The following PXDNL variants were observed in gnomAD, a reference collection of about 807,000 sequenced individuals.
PXDNL encodes peroxidasin like.
PXDNL carries 145 observed loss-of-function variants against 150.8 expected under a neutral mutation model. That is an observed-to-expected ratio of 0.96 (90% CI 0.84 to 1.10). PXDNL has a LOEUF of 1.10. PXDNL is among the 50% of genes least tolerant of loss of function. PXDNL has a pLI of 0.00. For synonymous variants in PXDNL, 757 were observed against 725.7 expected (o/e 1.04, Z -0.69); for missense variants, 2,087 against 1,873.9 (o/e 1.11, Z -2.10).
intron 5 of PXDNL, among the ~76,000 whole-genome samples, chr8:51,498,624 A>G (rs1811111164): frequency 6.6e-6 from 1 of 152,074 alleles, no homozygotes; most frequent in South Asian, 2.1e-4. Context: ...ATCGTGATGT[A>G]GAGTACAATG....
intron 2 of PXDNL, among the ~76,000 whole-genome samples, chr8:51,641,207 A>T (rs1033785382): frequency 7.2e-6 from 1 of 138,300 alleles, no homozygotes; most frequent in African/African-American, 2.9e-5. Context: ...AATTAATTCA[A>T]GATGGATTAA....
In PXDNL at chr8:51,408,984, T is replaced by G; in HGVS notation, c.2640A>C (p.Ser880=). 1.2e-6 allele frequency: 2 copies of G among 1,611,920 alleles called. No homozygotes were observed. Among genetic ancestry groups the G allele is most frequent in the Non-Finnish European group, 1.7e-6 (2 of 1,179,850 alleles). Residue 880 remains serine, a synonymous_variant, in exon 17 of 23, where the codon TCA becomes TCC. Coordinates refer to ENST00000356297, the MANE Select transcript of PXDNL (RefSeq NM_144651.5). The part of the protein sequence containing the change: ...ASGRPSATVD[S]VYAREQINQQ... ...GGTTGATCTGCTCTCGTGCATAGAC[T>G]GAATCCACCGTCGCAGAGGGACGGC...
intron 2 of PXDNL, among the ~76,000 whole-genome samples, chr8:51,646,528 T>A (rs1165166248): frequency 1.3e-5 from 2 of 152,122 alleles, no homozygotes; most frequent in Non-Finnish European, 2.9e-5. Flanking sequence ...CACTGAAGAA[T>A]ACCCACGAGA....
chr8:51,698,910 G>A (rs1816196298), intron 1 of PXDNL, among the ~76,000 whole-genome samples: 1 of 152,204 alleles, frequency 6.6e-6, no homozygotes, highest in African/African-American at 2.4e-5. Flanking sequence ...TTATCAATGA[G>A]TGGTAATATT....
In PXDNL at chr8:51,607,323, G is replaced by T. The variant is rs1813857188; in HGVS notation, c.237-14625C>A. ...TTTTGAGAGTTAATTGGCACTAATA[G>T]AAGTAATTACTATGATCTCATTTCT... On this transcript the variant is annotated intron_variant, in intron 2 of 22. Transcript: ENST00000356297. 2.0e-5 allele frequency among the ~76,000 whole-genome samples: 3 copies of T among 152,248 alleles called. No individual in the cohort carries two copies. In the South Asian group the frequency reaches 6.2e-4, roughly 32 times the overall value.
intron 2 of PXDNL, among the ~76,000 whole-genome samples, chr8:51,637,367 T>C (rs752473267): frequency 6.6e-6 from 1 of 151,792 alleles, no homozygotes; most frequent in East Asian, 1.9e-4. Flanking sequence ...CTTTGACGAG[T>C]TGAAAGAAGA....
At chr8:51,494,621 G>A (rs551968350) in intron 5 of PXDNL, among the ~76,000 whole-genome samples, 1 of 152,118 alleles carries the variant, frequency 6.6e-6, no homozygotes, top group South Asian at 2.1e-4. Flanking sequence ...AAAGGCAGGG[G>A]TTGCAATCCT....
At chr8:51,777,235 A>T (rs1468257543) in intron 1 of PXDNL, among the ~76,000 whole-genome samples, 1 of 152,198 alleles carries the variant, frequency 6.6e-6, no homozygotes, top group Non-Finnish European at 1.5e-5. Context: ...TGACTGTGGC[A>T]AGTCGCTTAA....
At chr8:51,640,649 G>A (rs888477590) in intron 2 of PXDNL, among the ~76,000 whole-genome samples, 36 of 152,124 alleles carry the variant, frequency 2.4e-4, no homozygotes, top group Non-Finnish European at 4.3e-4. Flanking sequence ...CCTTACAAGG[G>A]ACGTGAATGA....
chr8:51,438,187 C>T (rs934107983), intron 12 of PXDNL, among the ~76,000 whole-genome samples: 2 of 152,116 alleles, frequency 1.3e-5, no homozygotes, highest in African/African-American at 4.8e-5. Flanking sequence ...AATTGAAACA[C>T]ATCCTGTGCT....
intron 19 of PXDNL, among the ~76,000 whole-genome samples, chr8:51,365,562 T>C (rs1293087199): frequency 6.6e-6 from 1 of 152,198 alleles, no homozygotes; most frequent in East Asian, 1.9e-4. Context: ...ATAACAGTAG[T>C]CTCCCTGCTG....
intron 1 of PXDNL, among the ~76,000 whole-genome samples, chr8:51,712,521 T>C (rs1472766154): frequency 6.6e-6 from 1 of 152,226 alleles, no homozygotes; most frequent in Non-Finnish European, 1.5e-5. Context: ...CTCACTCATA[T>C]CCCAAGCACC....
chr8:51,778,306 T>G (rs540646263), intron 1 of PXDNL, among the ~76,000 whole-genome samples: 27 of 151,646 alleles, frequency 1.8e-4, no homozygotes, highest in Non-Finnish European at 3.5e-4. Context: ...AATTAATAAA[T>G]AAACAAAACC....
intron 4 of PXDNL, among the ~76,000 whole-genome samples, chr8:51,519,591 A>C (rs1563447897): frequency 6.6e-6 from 1 of 152,152 alleles, no homozygotes; most frequent in Non-Finnish European, 1.5e-5. Context: ...AAGAGGAGAA[A>C]GAGGAGGAAA....
rs1164793635 is a variant in PXDNL at position 51,774,590 on chromosome 8, G to A, written c.164+34591C>T. 8.5e-5 allele frequency among the ~76,000 whole-genome samples: 13 copies of A among 152,158 alleles called. No homozygotes were observed. The East Asian group carries it at 1.2e-3, about 14-fold the overall frequency. ...TCCTAGCACTTTGGGAGGCTGAGGC[G>A]GGTGGATCATGAAGTCAGGAGATCG... is the stretch of plus-strand genomic sequence containing the variant. On this transcript the variant is annotated intron_variant, in intron 1 of 22. Coordinates refer to ENST00000356297, the MANE Select transcript of PXDNL (RefSeq NM_144651.5).
intron 5 of PXDNL, among the ~76,000 whole-genome samples, chr8:51,489,344 T>C (rs1329696888): frequency 6.6e-6 from 1 of 152,204 alleles, no homozygotes; most frequent in Non-Finnish European, 1.5e-5. Flanking sequence ...AGAGACAGGT[T>C]CTCACCCTTC....
intron 4 of PXDNL, among the ~76,000 whole-genome samples, chr8:51,549,220 A>G (rs946981621): frequency 9.9e-5 from 15 of 152,138 alleles, no homozygotes; most frequent in African/African-American, 3.4e-4. Flanking sequence ...AGATGGCAAC[A>G]CAATCATAAT....
At chr8:51,711,492 T>C (rs1281652272) in intron 1 of PXDNL, among the ~76,000 whole-genome samples, 1 of 152,240 alleles carries the variant, frequency 6.6e-6, no homozygotes, top group Non-Finnish European at 1.5e-5. Flanking sequence ...CAGTTATACA[T>C]ATGGCTTGTC....
chr8:51,771,706 G>C (rs4990405), intron 1 of PXDNL, among the ~76,000 whole-genome samples: 6,519 of 152,208 alleles, frequency 0.043, 473 homozygotes, highest in African/African-American at 0.15. Context: ...GAGAGAAACA[G>C]AGAAACAGAA....
Sources: allele counts gnomAD v4.1 joint callset (sites outside exome capture counted in the v4.1 genomes callset), GRCh38; gene constraint gnomAD v4.1.1; transcripts MANE v1.5; gene names NCBI Gene and HGNC (gene_info 2026-07-23, HGNC 2026-07-21).